Variants in IQCM observed in about 807,000 individuals in gnomAD.
IQCM encodes the protein IQ domain-containing protein M.
In IQCM, 45 loss-of-function variants were observed where a neutral mutation model predicts 57.6. The observed-to-expected ratio is 0.78, with a 90% CI of 0.62 to 1.00. The LOEUF (loss-of-function observed/expected upper bound fraction) is 1.00. IQCM is among the 50% of genes least tolerant of loss of function. The pLI is 0.00. For synonymous variants in IQCM, 148 were observed against 158.9 expected, an observed-to-expected ratio of 0.93 and a Z score of 0.51; for missense variants, 468 against 511.6, an observed-to-expected ratio of 0.91 and a Z score of 0.82.
intron 5 of IQCM, among the ~76,000 whole-genome samples, chr4:149,709,693 A>C (rs962961878): frequency 2.0e-5 from 3 of 152,102 alleles, no homozygotes; most frequent in Admixed American, 2.0e-4. Context: ...AAGTAGATGC[A>C]GTGATTTTAT....
chr4:149,478,727 T>G (rs1740471933), intron 12 of IQCM, among the ~76,000 whole-genome samples: 1 of 152,144 alleles, frequency 6.6e-6, no homozygotes, highest in Admixed American at 6.5e-5. Flanking sequence ...GGAACGATCC[T>G]GTACATGAGA....
At chr4:149,628,026 G>C (rs1756960412) in intron 7 of IQCM, among the ~76,000 whole-genome samples, 1 of 152,198 alleles carries the variant, frequency 6.6e-6, no homozygotes, top group Non-Finnish European at 1.5e-5. Flanking sequence ...AACTAGTCCT[G>C]CTGACAGCTT....
chr4:149,812,517 C>T (rs558346112), intron 2 of IQCM, among the ~76,000 whole-genome samples: 14 of 151,546 alleles, frequency 9.2e-5, no homozygotes, highest in Non-Finnish European at 1.8e-4. Context: ...CACACACACA[C>T]ACACACACAC....
chr4:149,511,583 T>A (rs896086985), intron 12 of IQCM, among the ~76,000 whole-genome samples: 1 of 151,518 alleles, frequency 6.6e-6, no homozygotes, highest in Admixed American at 6.6e-5. Flanking sequence ...ATTAAACATT[T>A]AAAAAAATGT....
chr4:149,435,121 T>A (rs1425002602), intron 12 of IQCM, among the ~76,000 whole-genome samples: 1 of 152,140 alleles, frequency 6.6e-6, no homozygotes, highest in African/African-American at 2.4e-5. Flanking sequence ...ATTAGAGTTA[T>A]TTTACCCCTT....
chr4:149,665,729 A>G (rs1489541836), intron 7 of IQCM, among the ~76,000 whole-genome samples: 1 of 152,152 alleles, frequency 6.6e-6, no homozygotes, highest in Non-Finnish European at 1.5e-5. Context: ...CAATAATTTC[A>G]TATGGAACTG....
chr4:149,768,326 A>T (rs138367246), intron 2 of IQCM, among the ~76,000 whole-genome samples: 1 of 152,236 alleles, frequency 6.6e-6, no homozygotes, highest in East Asian at 1.9e-4. Context: ...CTGATAATAA[A>T]ACCAGAGTTA....
intron 4 of IQCM, among the ~76,000 whole-genome samples, chr4:149,733,815 G>A (rs913861272): frequency 1.3e-5 from 2 of 152,050 alleles, no homozygotes; most frequent in African/African-American, 2.4e-5. Context: ...TTAATTACAG[G>A]TTTCAAGTCT....
chr4:149,547,283 A>G (rs1457829563), intron 12 of IQCM, among the ~76,000 whole-genome samples: 2 of 152,204 alleles, frequency 1.3e-5, no homozygotes, highest in African/African-American at 4.8e-5. Flanking sequence ...AAAAAGTGGT[A>G]TTATACACAA....
intron 13 of IQCM, among the ~76,000 whole-genome samples, chr4:149,358,231 G>C (rs139350707): frequency 3.8e-3 from 585 of 152,162 alleles, no homozygotes; most frequent in Non-Finnish European, 7.1e-3. Flanking sequence ...AGGGTTTTTT[G>C]TGTCTCTAGT....
At chr4:149,358,922 A>C (rs1729270526) in intron 13 of IQCM, among the ~76,000 whole-genome samples, 1 of 149,356 alleles carries the variant, frequency 6.7e-6, no homozygotes, top group Non-Finnish European at 1.5e-5. Context: ...AGTGGAAATG[A>C]GAAAGAGAGA....
intron 12 of IQCM, among the ~76,000 whole-genome samples, chr4:149,540,486 G>A (rs1444093507): frequency 6.6e-6 from 1 of 151,892 alleles, no homozygotes; most frequent in African/African-American, 2.4e-5. Context: ...ATCAGTGGTT[G>A]GTTGGGGCTG....
At chr4:149,651,277 C>T (rs1468156881) in intron 7 of IQCM, among the ~76,000 whole-genome samples, 3 of 151,998 alleles carry the variant, frequency 2.0e-5, no homozygotes, top group Non-Finnish European at 4.4e-5. Context: ...CCACATTTTC[C>T]CAAGGTCTCA....
Position 149,498,912 on chromosome 4 carries a change from A to T in IQCM, c.1228+49543T>A, listed in dbSNP as rs531911680. ...AAGTTTTGCACTGGAATAAATGTAT[A>T]AAAAAGTTAGATATTTGTCTGAGAA... On this transcript the variant is annotated intron_variant, in intron 12 of 13. Transcript: ENST00000636793. Among the ~76,000 whole-genome samples the T allele has an allele frequency of 2.6e-5, 4 of 152,264 alleles. No individual in the cohort carries two copies. The South Asian group carries it at 6.2e-4, about 24-fold the overall frequency.
At chr4:149,799,204 A>G (rs1773384978) in intron 2 of IQCM, among the ~76,000 whole-genome samples, 2 of 152,006 alleles carry the variant, frequency 1.3e-5, no homozygotes, top group African/African-American at 4.8e-5. Context: ...TTTGGAAACT[A>G]TACAAATACA....
At chr4:149,526,930 C>T (rs1746218814) in intron 12 of IQCM, among the ~76,000 whole-genome samples, 1 of 151,382 alleles carries the variant, frequency 6.6e-6, no homozygotes. Flanking sequence ...TAATATATTC[C>T]ATTATTTATT....
chr4:149,679,037 T>C (rs1014974039), intron 7 of IQCM, among the ~76,000 whole-genome samples: 4 of 151,680 alleles, frequency 2.6e-5, no homozygotes, highest in African/African-American at 9.7e-5. Context: ...TGGGTATATA[T>C]CTTTTAAAAA....
intron 12 of IQCM, among the ~76,000 whole-genome samples, chr4:149,449,513 G>T (rs1053426811): frequency 6.7e-6 from 1 of 149,976 alleles, no homozygotes; most frequent in Non-Finnish European, 1.5e-5. Flanking sequence ...ATTCAGTAAA[G>T]TTGCAGGATA....
intron 12 of IQCM, among the ~76,000 whole-genome samples, chr4:149,538,267 T>C (rs1471239280): frequency 1.3e-5 from 2 of 151,772 alleles, no homozygotes; most frequent in Non-Finnish European, 2.9e-5. Context: ...GGAAGCTGTA[T>C]TGAAGCAAAG....
Sources: allele counts gnomAD v4.1 joint callset (sites outside exome capture counted in the v4.1 genomes callset), GRCh38; gene constraint gnomAD v4.1.1; transcripts MANE v1.5; gene names NCBI Gene and HGNC (gene_info 2026-07-23, HGNC 2026-07-21).